The following CNST variants were observed in gnomAD, a reference collection of about 807,000 sequenced individuals.
CNST encodes consortin, connexin sorting protein, also known as consortin.
CNST carries 39 observed loss-of-function variants against 72.4 expected under a neutral mutation model. The observed-to-expected ratio is 0.54, with a 90% CI of 0.42 to 0.70. CNST has a LOEUF of 0.70. Ranked by LOEUF, CNST falls within the 30% of genes least tolerant of loss-of-function variation. CNST has a pLI of 0.00. For missense variants in CNST, 871 were observed against 868.5 expected, an observed-to-expected ratio of 1.00 and a Z score of -0.04; for synonymous variants, 332 against 320.1, an observed-to-expected ratio of 1.04 and a Z score of -0.40.
chr1:246,632,211 T>C (rs1195437690), intron 4 of CNST: 2 of 281,524 alleles, frequency 7.1e-6, no homozygotes, highest in Non-Finnish European at 1.3e-5. Context: ...TTTGTATTAT[T>C]TTAATTATTT....
intron 9 of CNST, among the ~76,000 whole-genome samples, chr1:246,657,424 C>CT (rs928426781): frequency 1.8e-4 from 27 of 152,132 alleles, no homozygotes; most frequent in African/African-American, 6.0e-4. Flanking sequence ...ACTTCAGACA[C>CT]TGGGGCAGGC....
rs745464455 is a variant in CNST, at chr1:246,665,723, A to G, written c.1996A>G (p.Ile666Val). 267 of 1,613,106 alleles carry G rather than the reference A, an allele frequency of 1.7e-4. No homozygotes were observed. The highest frequency in any genetic ancestry group is 2.2e-4 in the Non-Finnish European group (260 of 1,180,020). Residue 666 changes from isoleucine (I) to valine (V), a missense_variant, in exon 11 of 11, where the codon ATT becomes GTT. By Grantham distance (29) the Ile-to-Val change is conservative. Coordinates refer to ENST00000366513, the MANE Select transcript of CNST (RefSeq NM_152609.3). ...AGATGAAGTTGGAGGTGGCTCCTGT[A>G]TTTTGCTGGTCTTGCTGTGCATAGC... ...DQDEVGGGSC[I>V]LLVLLCIATV...
Position 246,647,732 on chromosome 1 carries a change from T to G in CNST, c.1531T>G (p.Cys511Gly), listed in dbSNP as rs572617328. 55 of 1,614,168 alleles carry G rather than the reference T, an allele frequency of 3.4e-5. 1 individual carries two copies. In the South Asian group the frequency reaches 5.8e-4, roughly 17 times the overall value. The change falls in exon 9 of 11, where the codon TGT becomes GGT. Residue 511 changes from cysteine (C) to glycine (G), a missense_variant. By Grantham distance (159) the Cys-to-Gly change is radical. Coordinates refer to ENST00000366513, the MANE Select transcript of CNST (RefSeq NM_152609.3). ...ADSDGSENVL[C>G]GNNQISDLGI... ...CTCAGACGGTTCTGAGAATGTGCTC[T>G]GTGGAAATAATCAAATATCTGACTT...
intron 1 of CNST, among the ~76,000 whole-genome samples, chr1:246,585,703 ACACACACAC>A (rs1558533749): frequency 2.1e-5 from 3 of 141,256 alleles, no homozygotes; most frequent in South Asian, 2.2e-4. Flanking sequence ...ACACACACAC[ACACACACAC>A]TATATATGTA....
chr1:246,634,774 G>A (rs757655774), intron 6 of CNST, among the ~76,000 whole-genome samples, 187 bp downstream of exon 6: 16 of 152,232 alleles, frequency 1.1e-4, no homozygotes, highest in Non-Finnish European at 2.2e-4. Flanking sequence ...GCACAAGGCG[G>A]TGTGGAGCAT....
chr1:246,591,670 A>G lies in CNST; in HGVS notation c.108A>G (p.Ser36=). 2 of 1,614,230 alleles carry G rather than the reference A, an allele frequency of 1.2e-6. No homozygotes were observed. The highest frequency in any genetic ancestry group is 2.2e-5 in the South Asian group (2 of 91,082). ...ERSVTCLPSA[S]DENENQLDGD... ...GTGTGACCTGTCTGCCTTCTGCATC[A>G]GATGAAAATGAAAATCAGCTTGACG... Residue 36 remains serine (S), a synonymous_variant, in exon 2 of 11, where the codon TCA becomes TCG. Coordinates refer to ENST00000366513, the MANE Select transcript of CNST (RefSeq NM_152609.3).
intron 6 of CNST, among the ~76,000 whole-genome samples, chr1:246,634,977 G>C (rs138337428): frequency 0.056 from 8,576 of 151,982 alleles, 335 homozygotes; most frequent in Middle Eastern, 0.088. Context: ...GCCGGGGTGC[G>C]TGTCTTCCGG....
intron 9 of CNST, among the ~76,000 whole-genome samples, chr1:246,653,003 C>G (rs1024325558): frequency 2.0e-5 from 2 of 101,592 alleles, no homozygotes; most frequent in Admixed American, 1.1e-4. Context: ...GACTCTGTCT[C>G]AAAAAAAAAA....
At chr1:246,604,506 G>T (rs1288098098) in intron 2 of CNST, among the ~76,000 whole-genome samples, 1 of 152,062 alleles carries the variant, frequency 6.6e-6, no homozygotes, top group South Asian at 2.1e-4. Context: ...ATTGCAAAGA[G>T]AATCTCTGAT....
rs142955780 is a variant in CNST at position 246,581,505 on chromosome 1, C to T, written c.-51-10007C>T. On this transcript the variant is annotated intron_variant, in intron 1 of 10. Coordinates refer to ENST00000366513, the MANE Select transcript of CNST (RefSeq NM_152609.3). The stretch of plus-strand genomic sequence containing the variant: ...CCCGAACTCCTGAGCTCGGGTGATC[C>T]GCCCACCTTGGCCTCCCAAAGTGCT... Among the ~76,000 whole-genome samples, 276 of 152,320 alleles carry T rather than the reference C, an allele frequency of 1.8e-3. 2 individuals are homozygous for T. Among genetic ancestry groups the T allele is most frequent in the African/African-American group, 5.8e-3 (240 of 41,570 alleles).
At chr1:246,598,343 A>G (rs1438800935) in intron 2 of CNST, among the ~76,000 whole-genome samples, 1 of 152,154 alleles carries the variant, frequency 6.6e-6, no homozygotes, top group African/African-American at 2.4e-5. Flanking sequence ...TTAAGAAATT[A>G]ATTTGATTTG....
chr1:246,647,940 C>T lies in CNST; in HGVS notation c.1739C>T (p.Ser580Phe). Residue 580 changes from serine (S) to phenylalanine (F), a missense_variant, in exon 9 of 11, where the codon TCT (serine) becomes TTT (phenylalanine). Physicochemically the swap from Ser to Phe is radical, Grantham distance 155. Coordinates refer to ENST00000366513, the MANE Select transcript of CNST (RefSeq NM_152609.3). ...DDDSDLLQDL[S>F]PEEASYSLQE... ...GACTCCGATCTCCTTCAAGATCTCT[C>T]TCCTGAAGAAGCATCCTATAGTCTC... 2 of 1,613,386 alleles carry T rather than the reference C, an allele frequency of 1.2e-6. No homozygotes were observed. Among genetic ancestry groups the T allele is most frequent in the Non-Finnish European group, 1.7e-6 (2 of 1,179,566 alleles).
At chr1:246,613,886 G>A (rs1015546984) in intron 2 of CNST, among the ~76,000 whole-genome samples, 3 of 150,722 alleles carry the variant, frequency 2.0e-5, no homozygotes, top group African/African-American at 7.3e-5. Flanking sequence ...GTATAGATAG[G>A]TTTCACCATG....
intron 9 of CNST, among the ~76,000 whole-genome samples, chr1:246,655,809 G>A (rs950157620): frequency 2.0e-5 from 3 of 152,180 alleles, no homozygotes; most frequent in Non-Finnish European, 4.4e-5. Context: ...CTTGAAGCTT[G>A]GCCTCTTCGT....
At chr1:246,646,229 G>A (rs1666057128) in intron 8 of CNST, among the ~76,000 whole-genome samples, 2 of 138,702 alleles carry the variant, frequency 1.4e-5, no homozygotes, top group African/African-American at 2.8e-5. Flanking sequence ...GCAGTGAGCC[G>A]AGATCGCGCC....
In CNST at chr1:246,611,787, A is replaced by G. The variant is rs765081249; in HGVS notation, c.380-9642A>G. Among the ~76,000 whole-genome samples, 104 of 152,382 alleles carry G rather than the reference A, an allele frequency of 6.8e-4. 1 individual carries two copies. Among genetic ancestry groups the G allele is most frequent in the Non-Finnish European group, 1.3e-3 (88 of 68,038 alleles). ...AGCAGATACTTGTACACTAAGGTTCATAGCAGCATTATTCACAGTAGCAAA... is the reference window on the plus strand; with the variant it reads ...AGCAGATACTTGTACACTAAGGTTCGTAGCAGCATTATTCACAGTAGCAAA... On this transcript the variant is annotated intron_variant, in intron 2 of 10. Coordinates refer to ENST00000366513, the MANE Select transcript of CNST (RefSeq NM_152609.3).
chr1:246,603,345 CTAAA>C (rs60639678), intron 2 of CNST, among the ~76,000 whole-genome samples: 47,230 of 151,780 alleles, frequency 0.31, 7,957 homozygotes, highest in East Asian at 0.66. Flanking sequence ...TAATCGTTTT[CTAAA>C]TAGTCACCTT....
chr1:246,665,418 C>T (rs1667347679), intron 10 of CNST, among the ~76,000 whole-genome samples: 1 of 152,240 alleles, frequency 6.6e-6, no homozygotes. Flanking sequence ...GTGCTATGAG[C>T]ACGTGAGCTG....
rs1048397097 is a variant in CNST at position 246,667,488 on chromosome 1, CTCTA to C, written c.*1586_*1589del. 74 of 152,176 alleles carry C rather than the reference CTCTA, an allele frequency of 4.9e-4. No homozygotes were observed. Among genetic ancestry groups the C allele is most frequent in the African/African-American group, 1.8e-3 (74 of 41,508 alleles). The allele number at this position is 152,176 out of a possible 1,614,324, so 9.4% of individuals were successfully genotyped here. On this transcript the variant is annotated 3_prime_UTR_variant, in exon 11 of 11. Coordinates refer to ENST00000366513, the MANE Select transcript of CNST (RefSeq NM_152609.3). ...TCACTTATAATACTGTTTGACTTGT[CTCTA>C]TCATGTCACCATAAACTGTAATATT...
Sources: allele counts gnomAD v4.1 joint callset (sites outside exome capture counted in the v4.1 genomes callset), GRCh38; gene constraint gnomAD v4.1.1; transcripts MANE v1.5; gene names NCBI Gene and HGNC (gene_info 2026-07-23, HGNC 2026-07-21).